Variants in GRIK4 observed in about 807,000 individuals in gnomAD.
GRIK4 encodes glutamate receptor ionotropic, kainate 4.
In GRIK4, 40 loss-of-function variants were observed where a neutral mutation model predicts 104.9. That is an observed-to-expected ratio of 0.38 (90% confidence interval 0.30 to 0.50). GRIK4 has a LOEUF of 0.50. Ranked by LOEUF, GRIK4 falls within the 20% of genes least tolerant of loss-of-function variation. The pLI is 0.93. For missense variants in GRIK4, 1,047 were observed against 1,308.1 expected (o/e 0.80, Z 3.08); for synonymous variants, 485 against 524.9 (o/e 0.92, Z 1.04).
intron 3 of GRIK4, among the ~76,000 whole-genome samples, chr11:120,781,489 C>T (rs537911496): frequency 6.6e-6 from 1 of 152,072 alleles, no homozygotes; most frequent in Admixed American, 6.5e-5. Flanking sequence ...TTGCTGGGAC[C>T]ACAGGCAAGT....
Position 120,826,338 on chromosome 11 carries a change from G to A in GRIK4, c.512-5514G>A, listed in dbSNP as rs541703490. Among the ~76,000 whole-genome samples, 15 of 152,152 alleles carry A rather than the reference G, an allele frequency of 9.9e-5. No homozygotes were observed. In the South Asian group the frequency reaches 3.1e-3, roughly 32 times the overall value. ...CCCATGTATCAGAGACCAGAATGTG[G>A]AATCAGATAATCTGGGTTTGGATCC... On this transcript the variant is annotated intron_variant, in intron 6 of 20. Coordinates refer to ENST00000527524, the MANE Select transcript of GRIK4 (RefSeq NM_014619.5).
rs1832401783 is a variant in GRIK4, at chr11:120,555,671, AG to A, written c.-159+43785del. On this transcript the variant is annotated intron_variant, in intron 1 of 20. Coordinates refer to ENST00000527524, the MANE Select transcript of GRIK4 (RefSeq NM_014619.5). This position sits in a 1 kb window ranked among gnomAD's most constrained non-coding sequence, Gnocchi z 5.3. ...CCAGGTGGTGAGGTGGAGGAGGGGC[AG>A]AGGGGAGGTCTGCCCTCCTTCTGCC... Among the ~76,000 whole-genome samples the A allele has an allele frequency of 6.6e-6, 1 of 152,170 alleles. No homozygotes were observed. The highest frequency in any genetic ancestry group is 1.5e-5 in the Non-Finnish European group (1 of 68,016).
intron 3 of GRIK4, among the ~76,000 whole-genome samples, chr11:120,730,215 A>G (rs929132699): frequency 6.6e-6 from 1 of 151,984 alleles, no homozygotes; most frequent in Non-Finnish European, 1.5e-5. Context: ...AAAATTAGCC[A>G]GGTGTGGTGG....
At chr11:120,948,525 C>T (rs1402551182) in intron 14 of GRIK4, among the ~76,000 whole-genome samples, 2 of 152,170 alleles carry the variant, frequency 1.3e-5, no homozygotes, top group Non-Finnish European at 2.9e-5. Context: ...AAGAGTCTTC[C>T]TTCCAGAAGA....
At chr11:120,810,853 G>A (rs1952814778) in intron 4 of GRIK4, among the ~76,000 whole-genome samples, 1 of 152,184 alleles carries the variant, frequency 6.6e-6, no homozygotes, top group African/African-American at 2.4e-5. Flanking sequence ...AGTGTCATAT[G>A]AAAACTGCGG....
intron 19 of GRIK4, among the ~76,000 whole-genome samples, chr11:120,975,680 A>C (rs1944550136): frequency 2.0e-5 from 3 of 152,098 alleles, no homozygotes; most frequent in Non-Finnish European, 4.4e-5. Flanking sequence ...CCTCACCTCT[A>C]CCCTGTGTCC....
intron 1 of GRIK4, among the ~76,000 whole-genome samples, chr11:120,531,701 G>A (rs981466164): frequency 2.0e-5 from 3 of 151,922 alleles, no homozygotes; most frequent in Admixed American, 2.0e-4. Context: ...TCAGCCTCCC[G>A]AGTAGCTGGT....
chr11:120,686,829 A>T (rs996633961), intron 3 of GRIK4, among the ~76,000 whole-genome samples: 9 of 152,258 alleles, frequency 5.9e-5, no homozygotes, highest in African/African-American at 2.2e-4. Context: ...TAGGCAGAGC[A>T]GCGGAAAAAG....
chr11:120,627,499 G>T (rs549026996), intron 1 of GRIK4, among the ~76,000 whole-genome samples: 1 of 152,190 alleles, frequency 6.6e-6, no homozygotes, highest in African/African-American at 2.4e-5. Context: ...TTCCAGTTCT[G>T]ATATTTCCCT....
chr11:120,825,893 G>A (rs1247529455), intron 6 of GRIK4, among the ~76,000 whole-genome samples: 1 of 152,218 alleles, frequency 6.6e-6, no homozygotes, highest in Non-Finnish European at 1.5e-5. Context: ...GGAGTAGGCA[G>A]TGATACCCAA....
chr11:120,811,395 G>A (rs2135526889), intron 4 of GRIK4, among the ~76,000 whole-genome samples: 1 of 152,330 alleles, frequency 6.6e-6, no homozygotes, highest in East Asian at 1.9e-4. Context: ...GCGGTGCAGT[G>A]GTTAAGGGGC....
In GRIK4 at chr11:120,579,865, G is replaced by A. The variant is rs11217919; in HGVS notation, c.-159+67978G>A. 2.3e-3 allele frequency among the ~76,000 whole-genome samples: 352 copies of A among 152,140 alleles called. 8 individuals are homozygous for A. In the East Asian group the frequency reaches 0.052, roughly 22 times the overall value. On this transcript the variant is annotated intron_variant, in intron 1 of 20. Transcript: ENST00000527524. ...CACAATCAAGATATGGAACATCTCC[G>A]TCACCTGCCAAATTCCCCCACACCC...
intron 19 of GRIK4, among the ~76,000 whole-genome samples, chr11:120,973,405 A>T (rs891745060): frequency 5.9e-5 from 9 of 152,178 alleles, no homozygotes; most frequent in African/African-American, 2.2e-4. Flanking sequence ...GAGAGAACTG[A>T]ACAGATGAAA....
intron 1 of GRIK4, among the ~76,000 whole-genome samples, chr11:120,519,257 A>G (rs1238729505): frequency 6.6e-6 from 1 of 152,188 alleles, no homozygotes; most frequent in Non-Finnish European, 1.5e-5. Context: ...CTTCCTAATA[A>G]CTGCTATGAA....
chr11:120,602,593 C>T (rs1033323285), intron 1 of GRIK4, among the ~76,000 whole-genome samples: 7 of 152,230 alleles, frequency 4.6e-5, no homozygotes, highest in Admixed American at 1.3e-4. Context: ...AGAGGAGGCT[C>T]TGAACACAGA....
At chr11:120,807,561 C>T (rs1029680203) in intron 4 of GRIK4, among the ~76,000 whole-genome samples, 7 of 152,324 alleles carry the variant, frequency 4.6e-5, no homozygotes, top group African/African-American at 1.7e-4. Context: ...CTCACAGGCT[C>T]CACGAGCATG....
intron 11 of GRIK4, among the ~76,000 whole-genome samples, chr11:120,895,800 G>T (rs1219845411): frequency 2.0e-5 from 3 of 152,208 alleles, no homozygotes; most frequent in Non-Finnish European, 4.4e-5. Flanking sequence ...ATTCAGAGAT[G>T]ATAGGCTTGA....
At chr11:120,621,736 G>A (rs1591746236) in intron 1 of GRIK4, among the ~76,000 whole-genome samples, 1 of 152,212 alleles carries the variant, frequency 6.6e-6, no homozygotes, top group Non-Finnish European at 1.5e-5. Flanking sequence ...TTTCTAAAGT[G>A]AAGGCACTTA....
intron 5 of GRIK4, among the ~76,000 whole-genome samples, chr11:120,818,593 TCTTCC>T (rs1372770030): frequency 6.6e-6 from 1 of 152,234 alleles, no homozygotes; most frequent in Non-Finnish European, 1.5e-5. Context: ...ATCTTTATCC[TCTTCC>T]CACCTCAGTC....
Sources: gnomAD v4.1 joint callset for allele counts (sites outside exome capture counted in the v4.1 genomes callset) on GRCh38, gnomAD v4.1.1 for gene constraint, Gnocchi (gnomAD v3.1) non-coding constraint, MANE v1.5 for transcripts, NCBI Gene and HGNC (gene_info 2026-07-23, HGNC 2026-07-21) for gene names.